The following SMARCA5 variants were observed in gnomAD, a reference collection of about 807,000 sequenced individuals.
SMARCA5 encodes the protein SNF2 related chromatin remodeling ATPase 5.
In SMARCA5, 18 loss-of-function variants were observed where a neutral mutation model predicts 140.4. The observed-to-expected ratio is 0.13, with a 90% CI of 0.09 to 0.19. SMARCA5 has a LOEUF of 0.19. SMARCA5 is among the 10% of genes least tolerant of loss of function. SMARCA5 has a pLI of 1.00. For missense variants in SMARCA5, 606 were observed against 1,276.8 expected (o/e 0.47, Z 8.01); for synonymous variants, 449 against 419.6 (o/e 1.07, Z -0.86).
chr4:143,551,328 G>A (rs1372952853), intron 23 of SMARCA5, among the ~76,000 whole-genome samples: 2 of 151,870 alleles, frequency 1.3e-5, no homozygotes, highest in African/African-American at 4.8e-5. Context: ...TTGACAAATG[G>A]GTAGTTTGCA....
At chr4:143,534,721 G>A (rs1737268644) in intron 9 of SMARCA5, 134 bp from the exon 10 acceptor site, 2 of 590,060 alleles carry the variant, frequency 3.4e-6, no homozygotes, top group East Asian at 6.2e-5. Context: ...TTTGCAGGGA[G>A]AAGTCCTAAG....
intron 23 of SMARCA5, among the ~76,000 whole-genome samples, chr4:143,552,345 A>G (rs919372080): frequency 1.3e-5 from 2 of 152,026 alleles, no homozygotes; most frequent in Non-Finnish European, 2.9e-5. Context: ...AAATAGGGCA[A>G]TTTGACTTCT....
intron 9 of SMARCA5, among the ~76,000 whole-genome samples, chr4:143,533,103 G>C (rs1439824658): frequency 6.6e-6 from 1 of 152,178 alleles, no homozygotes; most frequent in Non-Finnish European, 1.5e-5. Context: ...AAAACTTACT[G>C]TTCTATGAAA....
chr4:143,530,205 C>G (rs549205654), intron 8 of SMARCA5, among the ~76,000 whole-genome samples: 2 of 152,154 alleles, frequency 1.3e-5, no homozygotes, highest in Admixed American at 1.3e-4. Flanking sequence ...AGAACTTGCT[C>G]TCCAACTTTT....
intron 23 of SMARCA5, 69 bp downstream of exon 23, chr4:143,550,173 T>C (rs1737614707): frequency 1.2e-6 from 1 of 815,682 alleles, no homozygotes. Flanking sequence ...TTAACACTGC[T>C]TGGCTGTCAT....
chr4:143,528,769 T>C, intron 8 of SMARCA5, 55 bp downstream of exon 8: 1 of 1,528,368 alleles, frequency 6.5e-7, no homozygotes, highest in Non-Finnish European at 8.8e-7. Context: ...TAATGCTATA[T>C]ATTTTTGTAA....
intron 23 of SMARCA5, among the ~76,000 whole-genome samples, chr4:143,551,476 C>T (rs145224226): frequency 6.6e-6 from 1 of 152,132 alleles, no homozygotes; most frequent in African/African-American, 2.4e-5. Context: ...GAAATCTTTG[C>T]CCAGTCCAGT....
Position 143,555,016 on chromosome 4 carries a change from A to AC in SMARCA5, c.*1834dup, listed in dbSNP as rs1197522660. The AC allele has an allele frequency of 4.0e-6, 2 of 505,964 alleles. No individual in the cohort carries two copies. Among genetic ancestry groups the AC allele is most frequent in the Non-Finnish European group, 7.6e-6 (2 of 263,894 alleles). The allele number at this position is 505,964 out of a possible 1,614,324, so 31.3% of individuals were successfully genotyped here. A position where few individuals can be genotyped will look rare whatever the true frequency, so the allele number is the denominator to read the frequency against. On this transcript the variant is annotated 3_prime_UTR_variant, in exon 24 of 24. Transcript: ENST00000283131. ...TGGCCAAGTTCACAAATCTGTTTTA[A>AC]CCTGTCACTTCCCTGTCACTTCTCT...
Position 143,547,992 on chromosome 4 carries a change from A to G in SMARCA5, c.2837A>G (p.Asn946Ser), listed in dbSNP as rs745480391. ...RISYGTNKGK[N>S]YTEEEDRFLI... ...TCATATGGTACTAACAAAGGAAAAA[A>G]CTATACTGAAGAAGAAGATCGTTTT... The change falls in exon 22 of 24, where the codon AAC becomes AGC. Residue 946 changes from asparagine to serine, a missense_variant. This residue lies in a region of SMARCA5 where 121 missense variants were observed against 227.1 expected (regional missense o/e 0.53). Transcript: ENST00000283131. 4.3e-6 allele frequency: 7 copies of G among 1,612,036 alleles called. No individual in the cohort carries two copies. Among genetic ancestry groups the G allele is most frequent in the Non-Finnish European group, 5.9e-6 (7 of 1,178,436 alleles).
At chr4:143,541,334 T>C (rs1014813082) in intron 14 of SMARCA5, among the ~76,000 whole-genome samples, 3 of 152,210 alleles carry the variant, frequency 2.0e-5, no homozygotes, top group Non-Finnish European at 4.4e-5. Flanking sequence ...AAAGGCATAC[T>C]GTTACATTGT....
At chr4:143,527,585 T>C (rs1181466360) in intron 6 of SMARCA5, among the ~76,000 whole-genome samples, 1 of 152,222 alleles carries the variant, frequency 6.6e-6, no homozygotes, top group Admixed American at 6.5e-5. Flanking sequence ...CCTAAGAATT[T>C]CCCGATCTAG....
chr4:143,541,749 T>TA (rs1261442066), intron 14 of SMARCA5, among the ~76,000 whole-genome samples: 2 of 152,240 alleles, frequency 1.3e-5, no homozygotes, highest in Non-Finnish European at 2.9e-5. Flanking sequence ...CCCGTGATGT[T>TA]ATCTCATGGG....
intron 1 of SMARCA5, 28 bp downstream of exon 1, chr4:143,514,129 G>A: frequency 5.3e-6 from 8 of 1,495,366 alleles, no homozygotes; most frequent in Non-Finnish European, 7.1e-6. Context: ...CATGGGGAGC[G>A]GGTGCAGCGG....
At chr4:143,542,372 A>G (rs1306756884) in intron 14 of SMARCA5, among the ~76,000 whole-genome samples, 1 of 152,144 alleles carries the variant, frequency 6.6e-6, no homozygotes, top group Non-Finnish European at 1.5e-5. Flanking sequence ...GACATAATTA[A>G]AAACGAGAGT....
Position 143,554,614 on chromosome 4 carries a change from TG to T in SMARCA5, c.*1432del, listed in dbSNP as rs1404829051. 6.5e-6 allele frequency: 1 copy of T among 152,874 alleles called. No individual in the cohort carries two copies. The highest frequency in any genetic ancestry group is 1.5e-5 in the Non-Finnish European group (1 of 68,558). 9.5% of individuals were successfully genotyped at this position (152,874 alleles called of 1,614,324 possible). A position where few individuals can be genotyped will look rare whatever the true frequency, so the allele number is the denominator to read the frequency against. ...AATGTCAAGCAAAACGCAGTATTTATGGCAAATTGTAAAGTAATTTGAATTT... is the reference window on the plus strand; with the variant it reads ...AATGTCAAGCAAAACGCAGTATTTATGCAAATTGTAAAGTAATTTGAATTT... On this transcript the variant is annotated 3_prime_UTR_variant, in exon 24 of 24. Transcript: ENST00000283131.
intron 9 of SMARCA5, among the ~76,000 whole-genome samples, chr4:143,531,940 A>C (rs910451057): frequency 2.6e-5 from 4 of 152,188 alleles, no homozygotes; most frequent in African/African-American, 7.2e-5. Context: ...CATCTTTAAC[A>C]ATCTGAGCAT....
In SMARCA5 at chr4:143,555,501, T is replaced by G. The variant is rs1441700458; in HGVS notation, c.*2317T>G. ...AACACAGGGTTTCAGTGTAGATTGT[T>G]TTGTTTTGTACCCATGCTGTTGATT... is the stretch of plus-strand genomic sequence containing the variant. On this transcript the variant is annotated 3_prime_UTR_variant, in exon 24 of 24. Coordinates refer to ENST00000283131, the MANE Select transcript of SMARCA5 (RefSeq NM_003601.4). 1 of 472,074 alleles carries G rather than the reference T, an allele frequency of 2.1e-6. No individual in the cohort carries two copies. The highest frequency in any genetic ancestry group is 3.9e-6 in the Non-Finnish European group (1 of 256,898). The allele number at this position is 472,074 out of a possible 1,614,324, so 29.2% of individuals were successfully genotyped here.
At position 143,556,862 on chromosome 4, in the gene SMARCA5, C is replaced by G. The variant is rs552470111; in HGVS notation, c.*3678C>G. ...GCAGCATTAACTTTACAGTAGTTAC[C>G]AGAAAAGACTATGCTACAAGAACCA... is the stretch of plus-strand genomic sequence containing the variant. On this transcript the variant is annotated 3_prime_UTR_variant, in exon 24 of 24. Transcript: ENST00000283131. 1 of 151,980 alleles carries G rather than the reference C, an allele frequency of 6.6e-6. No individual in the cohort carries two copies. The highest frequency in any genetic ancestry group is 2.4e-5 in the African/African-American group (1 of 41,426). 9.4% of individuals were successfully genotyped at this position (151,980 alleles called of 1,614,324 possible). A position where few individuals can be genotyped will look rare whatever the true frequency, so the allele number is the denominator to read the frequency against.
chr4:143,548,122 T>G lies in SMARCA5; in HGVS notation c.2967T>G (p.Leu989=), dbSNP rs1181452307. ...NSPQFRFDWF[L]KSRTAMELQR... The stretch of plus-strand genomic sequence containing the variant: ...CTCAGTTCAGATTTGACTGGTTTCT[T>G]AAGTCCAGAACTGCAATGGTGAGTG... The change falls in exon 22 of 24, where the codon CTT becomes CTG. Residue 989 remains leucine, a synonymous_variant. Coordinates refer to ENST00000283131, the MANE Select transcript of SMARCA5 (RefSeq NM_003601.4). 6.2e-7 allele frequency: 1 copy of G among 1,609,046 alleles called. No individual in the cohort carries two copies. Among genetic ancestry groups the G allele is most frequent in the East Asian group, 2.2e-5 (1 of 44,834 alleles).
Sources: gnomAD v4.1 joint callset for allele counts (sites outside exome capture counted in the v4.1 genomes callset) on GRCh38, gnomAD v4.1.1 for gene constraint, gnomAD v4.1.1 regional missense constraint, MANE v1.5 for transcripts, NCBI Gene and HGNC (gene_info 2026-07-23, HGNC 2026-07-21) for gene names.